CEACAM5: variants seen among roughly 807,000 people sequenced by gnomAD.
CEACAM5 encodes the protein CEA cell adhesion molecule 5.
CEACAM5 carries 52 observed loss-of-function variants against 63.0 expected under a neutral mutation model. That is an observed-to-expected ratio of 0.83 (90% CI 0.66 to 1.04). The LOEUF is 1.04. CEACAM5 is among the 50% of genes least tolerant of loss of function. The probability of loss-of-function intolerance (pLI) is 0.00; values close to 1 mark genes in which losing one functional copy is unlikely to be tolerated. For synonymous variants in CEACAM5, 357 were observed against 351.3 expected, an observed-to-expected ratio of 1.02 and a Z score of -0.18; for missense variants, 790 against 864.8, an observed-to-expected ratio of 0.91 and a Z score of 1.08.
In CEACAM5 at chr19:41,718,388, T is replaced by C. The variant is rs1382636024; in HGVS notation, c.1492+6T>C. On this transcript the variant is annotated splice_donor_region_variant and intron_variant, in intron 6 of 9. Coordinates refer to ENST00000221992, the MANE Select transcript of CEACAM5 (RefSeq NM_004363.6). ...CAAGACAATCACAGTCTCTGGTAAG[T>C]GGATCCCTGGACCGTTAGCAATATG... 3.7e-6 allele frequency: 6 copies of C among 1,613,806 alleles called. No homozygotes were observed. Among genetic ancestry groups the C allele is most frequent in the Non-Finnish European group, 5.1e-6 (6 of 1,179,794 alleles).
chr19:41,728,994 GTTATAT>G (rs2072737628), intron 9 of CEACAM5, among the ~76,000 whole-genome samples, 184 bp from the exon 10 acceptor site: 2 of 152,074 alleles, frequency 1.3e-5, no homozygotes, highest in African/African-American at 4.8e-5. Context: ...CCTTCTCTAA[GTTATAT>G]TTATGAGTAT....
At chr19:41,718,466 T>G in intron 6 of CEACAM5, 84 bp downstream of exon 6, 1 of 1,481,026 alleles carries the variant, frequency 6.8e-7, no homozygotes, top group Non-Finnish European at 9.3e-7. Context: ...AGAAATTTTC[T>G]TTCCTAGTAT....
At chr19:41,710,657 GT>G (rs144186978) in intron 2 of CEACAM5, among the ~76,000 whole-genome samples, 3,160 of 152,248 alleles carry the variant, frequency 0.021, 111 homozygotes, top group African/African-American at 0.072. Flanking sequence ...GATAGACAAG[GT>G]TATTAGGGTG....
intron 2 of CEACAM5, among the ~76,000 whole-genome samples, chr19:41,710,599 CAAG>C (rs1336031364): frequency 2.0e-5 from 3 of 152,150 alleles, no homozygotes; most frequent in Non-Finnish European, 4.4e-5. Flanking sequence ...CTCATTTGGA[CAAG>C]GACAGAGCCT....
chr19:41,715,587 T>G (rs1368636603), intron 3 of CEACAM5, 63 bp from the exon 4 acceptor site: 1 of 1,595,938 alleles, frequency 6.3e-7, no homozygotes, highest in African/African-American at 1.3e-5. Context: ...GGTCCTTCCA[T>G]AGACCAGGAA....
intron 9 of CEACAM5, among the ~76,000 whole-genome samples, chr19:41,728,815 G>A (rs973994230): frequency 7.7e-6 from 1 of 129,402 alleles, no homozygotes; most frequent in South Asian, 2.3e-4. Context: ...AGAATTGCCT[G>A]TGGAGTTTTT....
chr19:41,725,610 T>C (rs1314504863), intron 8 of CEACAM5, among the ~76,000 whole-genome samples: 3 of 152,150 alleles, frequency 2.0e-5, no homozygotes, highest in Non-Finnish European at 4.4e-5. Context: ...TGACCTCAAG[T>C]AATCCTCTTG....
At chr19:41,719,770 C>T (rs1384151670) in intron 6 of CEACAM5, among the ~76,000 whole-genome samples, 160 bp from the exon 7 acceptor site, 4 of 152,196 alleles carry the variant, frequency 2.6e-5, no homozygotes, top group Non-Finnish European at 5.9e-5. Flanking sequence ...TCTCTGAGCC[C>T]TCAGATCATC....
chr19:41,717,857 G>A, intron 5 of CEACAM5, 124 bp downstream of exon 5: 1 of 1,289,584 alleles, frequency 7.8e-7, no homozygotes, highest in Non-Finnish European at 1.1e-6. Flanking sequence ...ATCCAGGCTG[G>A]CCCTACCCCC....
At chr19:41,710,155 G>A in intron 2 of CEACAM5, 116 bp downstream of exon 2, 1 of 1,448,426 alleles carries the variant, frequency 6.9e-7, no homozygotes, top group Non-Finnish European at 9.3e-7. Flanking sequence ...CCATGTTAGG[G>A]TTTGGGCATT....
chr19:41,709,566 A>ACACACT (rs2122765724), intron 1 of CEACAM5, 114 bp from the exon 2 acceptor site: 1 of 1,434,866 alleles, frequency 7.0e-7, no homozygotes, highest in South Asian at 1.3e-5. Context: ...ACACACACAC[A>ACACACT]CTCACTCACT....
intron 2 of CEACAM5, among the ~76,000 whole-genome samples, chr19:41,713,570 A>C (rs2072470723): frequency 6.6e-6 from 1 of 152,154 alleles, no homozygotes; most frequent in East Asian, 1.9e-4. Flanking sequence ...ACCCATGAAC[A>C]ACTCTCCATT....
chr19:41,711,688 G>T (rs536937716), intron 2 of CEACAM5, among the ~76,000 whole-genome samples: 1 of 152,134 alleles, frequency 6.6e-6, no homozygotes, highest in Non-Finnish European at 1.5e-5. Context: ...ACTATACCCC[G>T]CATGGCTCAT....
At position 41,717,456 on chromosome 19, in the gene CEACAM5, A is replaced by G. The variant is rs1555815241; in HGVS notation, c.960A>G (p.Ala320=). 6.2e-7 allele frequency: 1 copy of G among 1,612,790 alleles called. No individual in the cohort carries two copies. Among genetic ancestry groups the G allele is most frequent in the Non-Finnish European group, 8.5e-7 (1 of 1,179,208 alleles). ...RTTVTTITVY[A]EPPKPFITSN... is the part of the protein sequence containing the mutation. ...ATCTTCTCTCTGTTATCTGCACAGC[A>G]GAGCCACCCAAACCCTTCATCACCA... The change falls in exon 5 of 10, where the codon GCA becomes GCG. Residue 320 remains alanine, a splice_region_variant and synonymous_variant. Transcript: ENST00000221992.
intron 6 of CEACAM5, among the ~76,000 whole-genome samples, chr19:41,719,293 A>G (rs1827271900): frequency 1.3e-5 from 2 of 152,318 alleles, no homozygotes; most frequent in South Asian, 4.1e-4. Flanking sequence ...GCAGTTTAGT[A>G]GCATTAAATA....
intron 8 of CEACAM5, among the ~76,000 whole-genome samples, chr19:41,726,650 G>T (rs1012715494): frequency 6.6e-6 from 1 of 152,194 alleles, no homozygotes; most frequent in Non-Finnish European, 1.5e-5. Flanking sequence ...TGATTCCTGA[G>T]AAGGAGAAAG....
Position 41,721,079 on chromosome 19 carries a change from C to A in CEACAM5, c.1929C>A (p.Ala643=). 1 of 1,614,224 alleles carries A rather than the reference C, an allele frequency of 6.2e-7. No homozygotes were observed. Among genetic ancestry groups the A allele is most frequent in the Non-Finnish European group, 8.5e-7 (1 of 1,180,056 alleles). The change falls in exon 8 of 10, where the codon GCC becomes GCA. Residue 643 remains alanine (A), a synonymous_variant. Coordinates refer to ENST00000221992, the MANE Select transcript of CEACAM5 (RefSeq NM_004363.6). The part of the protein sequence containing the change: ...PQQHTQVLFI[A]KITPNNNGTY... ...AACACACACAAGTTCTCTTTATCGC[C>A]AAAATCACGCCAAATAATAACGGGA...
Position 41,710,079 on chromosome 19 carries a change from G to T in CEACAM5, c.424+40G>T, listed in dbSNP as rs1555813821. The T allele has an allele frequency of 1.0e-5, 16 of 1,575,616 alleles. No individual in the cohort carries two copies. The East Asian group carries it at 3.3e-4, about 33-fold the overall frequency. On this transcript the variant is annotated intron_variant, in intron 2 of 9. Transcript: ENST00000221992. ...CATGACCTCTGGGTGTTGGGGGTCA[G>T]TTCTACTTCCCACACACAGGATTAT...
Position 41,715,138 on chromosome 19 carries a change from A to G in CEACAM5, c.592A>G (p.Arg198Gly). 2 of 1,614,234 alleles carry G rather than the reference A, an allele frequency of 1.2e-6. No homozygotes were observed. Among genetic ancestry groups the G allele is most frequent in the South Asian group, 1.1e-5 (1 of 91,086 alleles). Residue 198 changes from arginine (R) to glycine (G), a missense_variant, in exon 3 of 10, where the codon AGG becomes GGG. Arg to Gly is a moderately radical substitution (Grantham distance 125). Transcript: ENST00000221992. ...CAGGCTGCAGCTGTCCAATGGCAAC[A>G]GGACCCTCACTCTATTCAATGTCAC... ...SPRLQLSNGN[R>G]TLTLFNVTRN...
Sources: allele counts gnomAD v4.1 joint callset (sites outside exome capture counted in the v4.1 genomes callset), GRCh38; gene constraint gnomAD v4.1.1; transcripts MANE v1.5; gene names NCBI Gene and HGNC (gene_info 2026-07-23, HGNC 2026-07-21).